The following RPF2 variants were observed in gnomAD, a reference collection of about 807,000 sequenced individuals.
RPF2 encodes brix domain containing 1.
A neutral mutation model predicts 38.9 loss-of-function variants in RPF2; 21 were observed. That is an observed-to-expected ratio of 0.54 (90% CI 0.38 to 0.78). The LOEUF (loss-of-function observed/expected upper bound fraction) is 0.78. RPF2 is among the 30% of genes least tolerant of loss of function. The pLI is 0.00. For synonymous variants in RPF2, 121 were observed against 126.2 expected, an observed-to-expected ratio of 0.96 and a Z score of 0.28; for missense variants, 314 against 358.1, an observed-to-expected ratio of 0.88 and a Z score of 0.99.
intron 3 of RPF2, among the ~76,000 whole-genome samples, chr6:110,989,428 C>T (rs1771579903): frequency 6.6e-6 from 1 of 152,100 alleles, no homozygotes; most frequent in South Asian, 2.1e-4. Flanking sequence ...AATCAAATGA[C>T]AGACATATTT....
chr6:111,022,358 C>T (rs772998696), intron 8 of RPF2, among the ~76,000 whole-genome samples: 7 of 152,216 alleles, frequency 4.6e-5, no homozygotes, highest in Non-Finnish European at 7.3e-5. Flanking sequence ...TACCAGTTAG[C>T]ATATCTACCA....
intron 5 of RPF2, 56 bp from the exon 6 acceptor site, chr6:110,999,655 T>A: frequency 9.2e-7 from 1 of 1,081,524 alleles, no homozygotes; most frequent in Non-Finnish European, 1.4e-6. Flanking sequence ...CTTGTGGGTA[T>A]ATGTAAGGTG....
Position 111,027,396 on chromosome 6 carries a change from C to T in RPF2, c.*1814C>T, listed in dbSNP as rs984183319. On this transcript the variant is annotated 3_prime_UTR_variant, in exon 10 of 10. Transcript: ENST00000441448. ...ATGAGAAGAAGGGGCTCAGATAAGT[C>T]GTTTGCTGCCATCTGGAGGTAGATG... is the stretch of plus-strand genomic sequence containing the variant. 1 of 152,172 alleles carries T rather than the reference C, an allele frequency of 6.6e-6. No homozygotes were observed. The highest frequency in any genetic ancestry group is 1.9e-4 in the East Asian group (1 of 5,200). 9.4% of individuals were successfully genotyped at this position (152,172 alleles called of 1,614,324 possible). A position where few individuals can be genotyped will look rare whatever the true frequency, so the allele number is the denominator to read the frequency against.
At chr6:111,016,670 C>G (rs1182763749) in intron 8 of RPF2, among the ~76,000 whole-genome samples, 1 of 122,180 alleles carries the variant, frequency 8.2e-6, no homozygotes, top group Non-Finnish European at 1.6e-5. Context: ...AATTGTGGTT[C>G]TTTTTTTTTT....
chr6:111,024,364 A>C, intron 9 of RPF2, 37 bp downstream of exon 9: 2 of 1,553,950 alleles, frequency 1.3e-6, no homozygotes, highest in Non-Finnish European at 1.7e-6. Flanking sequence ...ATTTATTTGT[A>C]TTTTCTACTT....
chr6:110,999,753 G>T lies in RPF2; in HGVS notation c.359G>T (p.Gly120Val). The T allele has an allele frequency of 6.2e-7, 1 of 1,600,070 alleles. No individual in the cohort carries two copies. Among genetic ancestry groups the T allele is most frequent in the Non-Finnish European group, 8.6e-7 (1 of 1,167,502 alleles). Residue 120 changes from glycine to valine, a missense_variant, in exon 6 of 10, where the codon GGT (glycine) becomes GTT (valine). Gly to Val is a moderately radical substitution (Grantham distance 109). Transcript: ENST00000441448. ...DYHVLDMIEL[G>V]IENFVSLKDI... ...CATGTGCTGGATATGATTGAATTAG[G>T]TATTGAGAATTTTGTCTCTCTAAAA... is the stretch of plus-strand genomic sequence containing the variant.
At chr6:111,014,906 CT>C (rs1187402575) in intron 7 of RPF2, among the ~76,000 whole-genome samples, 1 of 152,174 alleles carries the variant, frequency 6.6e-6, no homozygotes, top group Non-Finnish European at 1.5e-5. Flanking sequence ...ATCCTCCCAC[CT>C]TAGCCTCTCC....
At chr6:111,016,871 G>A (rs1007135701) in intron 8 of RPF2, among the ~76,000 whole-genome samples, 13 of 151,446 alleles carry the variant, frequency 8.6e-5, no homozygotes, top group African/African-American at 2.9e-4. Context: ...TGAGATTAGG[G>A]AGTGGTGATG....
intron 6 of RPF2, 92 bp downstream of exon 6, chr6:110,999,879 A>G: frequency 1.5e-6 from 1 of 685,432 alleles, no homozygotes; most frequent in Non-Finnish European, 2.6e-6. Flanking sequence ...AGAGTTTTGT[A>G]GATCAAGAAC....
At chr6:111,021,585 G>A (rs1772236064) in intron 8 of RPF2, among the ~76,000 whole-genome samples, 1 of 152,170 alleles carries the variant, frequency 6.6e-6, no homozygotes. Flanking sequence ...ACATGGGCAG[G>A]TCACCACTTC....
chr6:110,982,735 GC>G (rs1336848286), intron 1 of RPF2, among the ~76,000 whole-genome samples: 1 of 152,158 alleles, frequency 6.6e-6, no homozygotes, highest in African/African-American at 2.4e-5. Flanking sequence ...AAACAGCCCT[GC>G]TGTTACTTGC....
At chr6:111,008,394 T>G (rs1466359105) in intron 7 of RPF2, among the ~76,000 whole-genome samples, 1 of 151,256 alleles carries the variant, frequency 6.6e-6, no homozygotes, top group Non-Finnish European at 1.5e-5. Context: ...TTTTCCTCCT[T>G]TTTTTGGACC....
intron 6 of RPF2, among the ~76,000 whole-genome samples, chr6:111,007,175 AC>A (rs1771924003): frequency 6.6e-6 from 1 of 152,172 alleles, no homozygotes; most frequent in African/African-American, 2.4e-5. Flanking sequence ...GAGCCGTCAC[AC>A]CTGGCCTTAA....
intron 1 of RPF2, 118 bp from the exon 2 acceptor site, chr6:110,984,888 T>C: frequency 3.6e-6 from 4 of 1,110,746 alleles, no homozygotes; most frequent in Non-Finnish European, 5.1e-6. Flanking sequence ...GAGATTTTTT[T>C]TAAGGGTGGA....
intron 9 of RPF2, among the ~76,000 whole-genome samples, chr6:111,024,581 C>T (rs1191895647): frequency 4.0e-5 from 6 of 151,570 alleles, no homozygotes; most frequent in South Asian, 2.1e-4. Flanking sequence ...GGCGTGGTAG[C>T]GGGCGCCTGT....
intron 7 of RPF2, among the ~76,000 whole-genome samples, chr6:111,009,727 G>A (rs950055675): frequency 6.6e-6 from 1 of 152,048 alleles, no homozygotes; most frequent in African/African-American, 2.4e-5. Flanking sequence ...AGGCTGGAGT[G>A]CAGTAGCTCA....
chr6:111,015,876 T>G lies in RPF2; in HGVS notation c.596+20T>G, dbSNP rs1394483672. Reference sequence around the variant, plus strand: ...CTATAAGTAAGTGCATTTCTTCACATATTTTCTTAATCCTCAGGGTTAGTG... The same window carrying G: ...CTATAAGTAAGTGCATTTCTTCACAGATTTTCTTAATCCTCAGGGTTAGTG... On this transcript the variant is annotated intron_variant, in intron 8 of 9. Transcript: ENST00000441448. 6.6e-7 allele frequency: 1 copy of G among 1,517,430 alleles called. No homozygotes were observed. The highest frequency in any genetic ancestry group is 9.2e-7 in the Non-Finnish European group (1 of 1,092,672). 94.0% of individuals were successfully genotyped at this position (1,517,430 alleles called of 1,614,324 possible).
At chr6:110,982,357 T>C (rs1383040337) in intron 1 of RPF2, 19 of 595,326 alleles carry the variant, frequency 3.2e-5, no homozygotes, top group Admixed American at 1.5e-4. Flanking sequence ...GATTGAAGCG[T>C]TGGCCGCTTT....
rs772498212 is a variant in RPF2 at position 111,025,525 on chromosome 6, T to C, written c.864T>C (p.Pro288=). The C allele has an allele frequency of 3.1e-6, 5 of 1,613,304 alleles. No homozygotes were observed. The African/African-American group carries it at 6.7e-5, about 22-fold the overall frequency. Residue 288 remains proline, a synonymous_variant, in exon 10 of 10, where the codon CCT becomes CCC. Coordinates refer to ENST00000441448, the MANE Select transcript of RPF2 (RefSeq NM_032194.3). The part of the protein sequence containing the change: ...TRKMKGLKKR[P]AERITEDHEK... Reference sequence around the variant, plus strand: ...AAATGAAGGGGTTGAAGAAGCGACCTGCAGAAAGGATAACAGAAGACCACG... The same window carrying C: ...AAATGAAGGGGTTGAAGAAGCGACCCGCAGAAAGGATAACAGAAGACCACG...
Sources: gnomAD v4.1 joint callset for allele counts (sites outside exome capture counted in the v4.1 genomes callset) on GRCh38, gnomAD v4.1.1 for gene constraint, MANE v1.5 for transcripts, NCBI Gene and HGNC (gene_info 2026-07-23, HGNC 2026-07-21) for gene names.